The following ATP8B4 variants were observed in gnomAD, a reference collection of about 807,000 sequenced individuals.
The protein encoded by ATP8B4 is probable phospholipid-transporting ATPase IM.
In ATP8B4, 133 loss-of-function variants were observed where a neutral mutation model predicts 145.6. The ratio of observed to expected loss-of-function variants is 0.91; its 90% confidence interval spans 0.79 to 1.05. The LOEUF (loss-of-function observed/expected upper bound fraction) is 1.05. Among genes scored for constraint, ATP8B4 ranks in the 50% least tolerant of loss-of-function variants. The pLI is 0.00. For synonymous variants in ATP8B4, 507 were observed against 492.9 expected (o/e 1.03, Z -0.38); for missense variants, 1,458 against 1,425.2 (o/e 1.02, Z -0.37).
intron 24 of ATP8B4, among the ~76,000 whole-genome samples, chr15:49,876,907 C>G (rs1337136906): frequency 2.0e-5 from 3 of 152,130 alleles, no homozygotes; most frequent in African/African-American, 7.2e-5. Flanking sequence ...CCAATGGGCC[C>G]CAGAAGTTAA....
Position 50,133,549 on chromosome 15 carries a change from C to T in ATP8B4, c.-42-26541G>A, listed in dbSNP as rs143552992. ...TGGAGGCTGCAGTGAGCCATGATCACGCCACTGCATTCCAGCCTGGGTGAC... is the reference window on the plus strand; with the variant it reads ...TGGAGGCTGCAGTGAGCCATGATCATGCCACTGCATTCCAGCCTGGGTGAC... On this transcript the variant is annotated intron_variant, in intron 1 of 3. Coordinates refer to the ATP8B4 transcript ENST00000558829. Among the ~76,000 whole-genome samples, 869 of 152,048 alleles carry T rather than the reference C, an allele frequency of 5.7e-3. 9 individuals are homozygous for T. The highest frequency in any genetic ancestry group is 0.02 in the African/African-American group (827 of 41,482).
intron 2 of ATP8B4, among the ~76,000 whole-genome samples, chr15:50,105,732 CCTA>C (rs1437821981): frequency 2.6e-5 from 4 of 152,024 alleles, no homozygotes; most frequent in Admixed American, 6.6e-5. Context: ...CCAAAAATTT[CCTA>C]CTTTTACATA....
chr15:50,026,646 A>G (rs1295221215), intron 6 of ATP8B4, among the ~76,000 whole-genome samples: 1 of 152,232 alleles, frequency 6.6e-6, no homozygotes. Flanking sequence ...GGTATCCAAT[A>G]TCTTTGTTTC....
At chr15:50,034,423 T>C (rs1356083703) in intron 6 of ATP8B4, among the ~76,000 whole-genome samples, 1 of 152,000 alleles carries the variant, frequency 6.6e-6, no homozygotes, top group East Asian at 1.9e-4. Flanking sequence ...AGAGATGGGG[T>C]TTCACCATGT....
At chr15:49,989,827 C>T (rs904905774) in intron 9 of ATP8B4, among the ~76,000 whole-genome samples, 14 of 152,092 alleles carry the variant, frequency 9.2e-5, no homozygotes, top group African/African-American at 3.4e-4. Context: ...CACACACTTC[C>T]CAATTTCTTT....
intron 27 of ATP8B4, among the ~76,000 whole-genome samples, chr15:49,861,473 T>TCTATCTATCTATCTATCTAC (rs1285604644): frequency 3.5e-4 from 48 of 135,690 alleles, no homozygotes; most frequent in African/African-American, 5.3e-4. Flanking sequence ...TATCTATCTA[T>TCTATCTATCTATCTATCTAC]CTACCTACCT....
chr15:50,066,637 C>T (rs1206020793), intron 3 of ATP8B4, among the ~76,000 whole-genome samples: 1 of 152,148 alleles, frequency 6.6e-6, no homozygotes, highest in Non-Finnish European at 1.5e-5. Flanking sequence ...GGATTTTAAA[C>T]ACATACTTAA....
chr15:49,950,590 T>TAAAAAAAAAAAAAAAAAAAAAAAAAAAA (rs766902500), intron 14 of ATP8B4, among the ~76,000 whole-genome samples: 1 of 46,334 alleles, frequency 2.2e-5, no homozygotes, highest in Non-Finnish European at 5.2e-5. Context: ...ATGTATTAAC[T>TAAAAAAAAAAAAAAAAAAAAAAAAAAAA]AAAAAAAAAA....
intron 7 of ATP8B4, among the ~76,000 whole-genome samples, chr15:50,009,007 T>C (rs759892968): frequency 1.3e-5 from 2 of 152,178 alleles, no homozygotes; most frequent in Admixed American, 6.6e-5. Flanking sequence ...CTAGCTGAAG[T>C]CATTGCCAAA....
rs1256908852 is a variant in ATP8B4, at chr15:49,860,457, C to T, written c.3316G>A (p.Ala1106Thr). ...CTTGGAGGCCTTGCCTTCTTTTGAG[C>T]CTTCTGCCACCGGCGGATCTGGAGA... ...LSDQIRRWQK[A>T]QKKARPPSSR... The change falls in exon 28 of 28, where the codon GCT (alanine) becomes ACT (threonine). Residue 1106 changes from alanine (A) to threonine (T), a missense_variant. Coordinates refer to ENST00000284509, the MANE Select transcript of ATP8B4 (RefSeq NM_024837.4). 2 of 1,610,986 alleles carry T rather than the reference C, an allele frequency of 1.2e-6. No individual in the cohort carries two copies. The highest frequency in any genetic ancestry group is 1.7e-6 in the Non-Finnish European group (2 of 1,179,002).
intron 20 of ATP8B4, among the ~76,000 whole-genome samples, chr15:49,904,527 A>G (rs2038396806): frequency 6.6e-6 from 1 of 152,226 alleles, no homozygotes; most frequent in Non-Finnish European, 1.5e-5. Context: ...AATTTAATGT[A>G]CTAAAACATT....
intron 16 of ATP8B4, among the ~76,000 whole-genome samples, chr15:49,929,010 GC>G (rs1209155175): frequency 5.3e-5 from 8 of 152,046 alleles, no homozygotes; most frequent in Admixed American, 5.2e-4. Flanking sequence ...AAATTGGTGG[GC>G]CCCACCTCAG....
intron 1 of ATP8B4, among the ~76,000 whole-genome samples, chr15:50,112,275 C>A (rs1221825491): frequency 1.3e-5 from 2 of 152,096 alleles, no homozygotes; most frequent in Admixed American, 1.3e-4. Flanking sequence ...GGCAGCCCCC[C>A]TTGCTGGCCC....
intron 14 of ATP8B4, among the ~76,000 whole-genome samples, chr15:49,955,282 T>A (rs1215062005): frequency 1.3e-5 from 2 of 152,178 alleles, no homozygotes; most frequent in Non-Finnish European, 2.9e-5. Context: ...TTCTGCAATA[T>A]GCCTTTGTAA....
chr15:50,011,017 A>C (rs1200738530), intron 6 of ATP8B4, 100 bp from the exon 7 acceptor site: 12 of 749,214 alleles, frequency 1.6e-5, no homozygotes, highest in Non-Finnish European at 2.4e-5. Context: ...CAGAGGAAGC[A>C]GGCAAGACTT....
At chr15:50,068,339 G>A (rs1011408654) in intron 3 of ATP8B4, among the ~76,000 whole-genome samples, 1 of 152,126 alleles carries the variant, frequency 6.6e-6, no homozygotes, top group African/African-American at 2.4e-5. Context: ...TGAACACTTT[G>A]GAAAATCCAA....
intron 6 of ATP8B4, among the ~76,000 whole-genome samples, chr15:50,015,634 G>C (rs993731414): frequency 3.3e-5 from 5 of 152,160 alleles, no homozygotes; most frequent in African/African-American, 1.2e-4. Context: ...TTGCAATCAT[G>C]ATCCCCTGAC....
At chr15:50,026,882 A>G (rs2050046982) in intron 6 of ATP8B4, among the ~76,000 whole-genome samples, 1 of 152,192 alleles carries the variant, frequency 6.6e-6, no homozygotes, top group Non-Finnish European at 1.5e-5. Context: ...ACATTGCACC[A>G]GAGCACATAA....
intron 20 of ATP8B4, among the ~76,000 whole-genome samples, chr15:49,910,181 C>T (rs188390307): frequency 2.0e-5 from 3 of 151,954 alleles, no homozygotes; most frequent in Non-Finnish European, 4.4e-5. Flanking sequence ...AATCCTGCAA[C>T]TGAAGAATTC....
Sources: allele counts gnomAD v4.1 joint callset (sites outside exome capture counted in the v4.1 genomes callset), GRCh38; gene constraint gnomAD v4.1.1; transcripts MANE v1.5; gene names NCBI Gene and HGNC (gene_info 2026-07-23, HGNC 2026-07-21).